Variants in NT5DC1 observed in about 807,000 individuals in gnomAD.
NT5DC1 encodes 5'-nucleotidase domain containing 1.
A neutral mutation model predicts 59.4 loss-of-function variants in NT5DC1; 42 were observed. The ratio of observed to expected loss-of-function variants is 0.71; its 90% CI spans 0.55 to 0.92. The LOEUF (loss-of-function observed/expected upper bound fraction) is 0.92. Ranked by LOEUF, NT5DC1 falls within the 40% of genes least tolerant of loss-of-function variation. The probability of loss-of-function intolerance (pLI) is 0.00; values close to 1 mark genes in which losing one functional copy is unlikely to be tolerated. For missense variants in NT5DC1, 501 were observed against 537.1 expected (o/e 0.93, Z 0.66); for synonymous variants, 172 against 188.1 (o/e 0.91, Z 0.70).
chr6:116,216,206 A>G (rs1054515060), intron 6 of NT5DC1, among the ~76,000 whole-genome samples: 9 of 152,172 alleles, frequency 5.9e-5, no homozygotes, highest in Non-Finnish European at 1.2e-4. Context: ...ACAAGGCTAT[A>G]TGTTAGGTAA....
intron 6 of NT5DC1, among the ~76,000 whole-genome samples, chr6:116,182,222 A>AGAGTGTGTGT (rs148509481): frequency 3.2e-5 from 4 of 124,606 alleles, no homozygotes; most frequent in South Asian, 2.8e-4. Context: ...TTCCATGGAG[A>AGAGTGTGTGT]GTGTGTGTGT....
chr6:116,236,592 A>G (rs1316577489), intron 8 of NT5DC1, among the ~76,000 whole-genome samples: 1 of 152,212 alleles, frequency 6.6e-6, no homozygotes, highest in Non-Finnish European at 1.5e-5. Flanking sequence ...TCAATTCTAA[A>G]AAATTAACAC....
At chr6:116,199,997 A>ATG (rs1554199743) in intron 6 of NT5DC1, among the ~76,000 whole-genome samples, 11 of 119,704 alleles carry the variant, frequency 9.2e-5, no homozygotes, top group Middle Eastern at 4.4e-3. Flanking sequence ...CAGTATGGAA[A>ATG]GTGGGGGGGG....
rs529281619 is a variant in NT5DC1 at position 116,162,919 on chromosome 6, A to G, written c.529+44974A>G. On this transcript the variant is annotated intron_variant, in intron 6 of 11. Coordinates refer to ENST00000319550, the MANE Select transcript of NT5DC1 (RefSeq NM_152729.3). ...AAGGCGGGCAGATCACGAGGTCAGG[A>G]GATCGAGACCATCCTAGCTAACATG... Among the ~76,000 whole-genome samples, 10 of 152,052 alleles carry G rather than the reference A, an allele frequency of 6.6e-5. No homozygotes were observed. The East Asian group carries it at 1.9e-3, about 29-fold the overall frequency.
At chr6:116,238,046 A>G (rs1782154200) in intron 9 of NT5DC1, 141 bp from the exon 10 acceptor site, 4 of 550,232 alleles carry the variant, frequency 7.3e-6, no homozygotes, top group African/African-American at 1.9e-5. Context: ...CTGTGAGATT[A>G]TTCAAATAAG....
chr6:116,192,209 C>G (rs1253570228), intron 6 of NT5DC1, among the ~76,000 whole-genome samples: 2 of 151,910 alleles, frequency 1.3e-5, no homozygotes. Flanking sequence ...CTCTGTAAGT[C>G]TCTGTTTGCT....
chr6:116,226,721 T>A (rs925254010), intron 8 of NT5DC1, among the ~76,000 whole-genome samples: 3 of 152,086 alleles, frequency 2.0e-5, no homozygotes, highest in Non-Finnish European at 2.9e-5. Context: ...ATATTAGGAA[T>A]CTAAACTTTA....
chr6:116,111,431 A>G (rs553147769), intron 4 of NT5DC1, among the ~76,000 whole-genome samples: 18 of 152,208 alleles, frequency 1.2e-4, no homozygotes, highest in African/African-American at 3.6e-4. Context: ...TTTATTTTCT[A>G]CTGCCTTTAA....
chr6:116,110,738 TA>T, intron 3 of NT5DC1, 111 bp from the exon 4 acceptor site: 1 of 826,454 alleles, frequency 1.2e-6, no homozygotes, highest in Non-Finnish European at 2.1e-6. Context: ...ACAGAAAAAA[TA>T]CATATGTTTT....
intron 6 of NT5DC1, among the ~76,000 whole-genome samples, chr6:116,215,751 T>G (rs1207255609): frequency 6.6e-6 from 1 of 151,854 alleles, no homozygotes; most frequent in Non-Finnish European, 1.5e-5. Flanking sequence ...AACAGGGGAG[T>G]TGACTAGGCC....
Position 116,221,105 on chromosome 6 carries a change from T to G in NT5DC1, c.581T>G (p.Leu194Ter), listed in dbSNP as rs1781789713. The G allele has an allele frequency of 6.4e-7, 1 of 1,569,892 alleles. No individual in the cohort carries two copies. The change falls in exon 7 of 12, where the codon TTA becomes TGA. Residue 194 changes from leucine (L) to a stop codon, truncating the protein, a stop_gained. Coordinates refer to ENST00000319550, the MANE Select transcript of NT5DC1 (RefSeq NM_152729.3). LOFTEE classifies it high-confidence loss of function. ...PEIKRDPGRY[L>*]HSCPESVKKW... ...ATAAAAAGAGATCCAGGCAGATATTTACATAGTTGTCCTGAATCTGTGAAA... is the reference window on the plus strand; with the variant it reads ...ATAAAAAGAGATCCAGGCAGATATTGACATAGTTGTCCTGAATCTGTGAAA...
At chr6:116,154,888 C>A (rs1780145135) in intron 6 of NT5DC1, among the ~76,000 whole-genome samples, 7 of 152,056 alleles carry the variant, frequency 4.6e-5, no homozygotes, top group Admixed American at 4.6e-4. Context: ...GTTTTAATAT[C>A]ATTTTTCTTC....
intron 11 of NT5DC1, among the ~76,000 whole-genome samples, chr6:116,240,471 G>C (rs1319895579): frequency 1.3e-5 from 2 of 152,154 alleles, no homozygotes; most frequent in Non-Finnish European, 2.9e-5. Context: ...TTTCTGACTT[G>C]AGCATGCACA....
At chr6:116,210,139 T>G (rs892787237) in intron 6 of NT5DC1, among the ~76,000 whole-genome samples, 1 of 152,048 alleles carries the variant, frequency 6.6e-6, no homozygotes, top group African/African-American at 2.4e-5. Context: ...TGATGGATAC[T>G]TTTTTCCTCT....
chr6:116,166,588 T>C (rs1307287583), intron 6 of NT5DC1, among the ~76,000 whole-genome samples: 1 of 152,188 alleles, frequency 6.6e-6, no homozygotes, highest in Non-Finnish European at 1.5e-5. Flanking sequence ...ATTTACCCAG[T>C]TTCCCAGATA....
intron 8 of NT5DC1, among the ~76,000 whole-genome samples, chr6:116,233,484 C>T (rs1392462327): frequency 1.3e-5 from 2 of 152,146 alleles, no homozygotes; most frequent in Non-Finnish European, 2.9e-5. Flanking sequence ...TGCGGGTGTC[C>T]TCAGGGATGC....
intron 6 of NT5DC1, chr6:116,145,351 T>C (rs541229800): frequency 3.2e-4 from 85 of 268,192 alleles, no homozygotes; most frequent in Admixed American, 2.6e-3. Context: ...TATGAAATGC[T>C]AAAAAAAAAT....
intron 6 of NT5DC1, among the ~76,000 whole-genome samples, chr6:116,156,693 C>G (rs1189965690): frequency 6.6e-6 from 1 of 152,186 alleles, no homozygotes; most frequent in African/African-American, 2.4e-5. Flanking sequence ...TGCAGATATT[C>G]TTATTGTACT....
intron 6 of NT5DC1, among the ~76,000 whole-genome samples, chr6:116,199,787 T>A (rs1781307729): frequency 6.6e-6 from 1 of 152,066 alleles, no homozygotes; most frequent in African/African-American, 2.4e-5. Flanking sequence ...TATGGAATTA[T>A]AACCCAGAGT....
Sources: allele counts gnomAD v4.1 joint callset (sites outside exome capture counted in the v4.1 genomes callset), GRCh38; gene constraint gnomAD v4.1.1; transcripts MANE v1.5; gene names NCBI Gene and HGNC (gene_info 2026-07-23, HGNC 2026-07-21).